GON4L: variants seen among roughly 807,000 people sequenced by gnomAD.
GON4L encodes the protein gon-4 like.
A neutral mutation model predicts 211.8 loss-of-function variants in GON4L; 87 were observed. The ratio of observed to expected loss-of-function variants is 0.41; its 90% CI spans 0.35 to 0.49. The LOEUF is 0.49. Ranked by LOEUF, GON4L falls within the 20% of genes least tolerant of loss-of-function variation. The probability of loss-of-function intolerance (pLI) is 0.15; values close to 1 mark genes in which losing one functional copy is unlikely to be tolerated. For missense variants in GON4L, 2,155 were observed against 2,659.5 expected, an observed-to-expected ratio of 0.81 and a Z score of 4.17; for synonymous variants, 875 against 962.6, an observed-to-expected ratio of 0.91 and a Z score of 1.68.
intron 19 of GON4L, 93 bp from the exon 20 acceptor site, chr1:155,767,634 A>C (rs1662665405): frequency 1.4e-6 from 2 of 1,443,216 alleles, no homozygotes; most frequent in South Asian, 1.2e-5. Context: ...GATCAAGAGA[A>C]ACACACACAC....
chr1:155,770,817 T>C (rs747026467), intron 19 of GON4L, among the ~76,000 whole-genome samples: 2 of 152,196 alleles, frequency 1.3e-5, no homozygotes, highest in Admixed American at 1.3e-4. Flanking sequence ...TGAGCCAAGA[T>C]TGCGCCACTC....
intron 6 of GON4L, among the ~76,000 whole-genome samples, chr1:155,819,158 CCGGG>C (rs1448544371): frequency 7.6e-6 from 1 of 132,292 alleles, no homozygotes; most frequent in East Asian, 4.1e-4. Flanking sequence ...AAAAAATTAG[CCGGG>C]CATGGTGGCA....
rs1662403870 is a variant in GON4L at position 155,765,869 on chromosome 1, A to C, written c.3604T>G (p.Ser1202Ala). 1.8e-5 allele frequency: 29 copies of C among 1,614,204 alleles called. No homozygotes were observed. The highest frequency in any genetic ancestry group is 2.4e-5 in the Non-Finnish European group (28 of 1,180,034). The change falls in exon 21 of 32, where the codon TCT (serine) becomes GCT (alanine). Residue 1202 changes from serine to alanine, a missense_variant. By Grantham distance (99) the Ser-to-Ala change is moderately conservative. Transcript: ENST00000368331. Reference protein sequence around the residue: ...CPLNQSLVASSVSPLIVSGNS... With the variant: ...CPLNQSLVASAVSPLIVSGNS... ...CCAGAAACAATTAAGGGTGAGACAG[A>C]GGAGGCCACAAGGGACTGGTTCAAT...
At chr1:155,833,402 C>A (rs1669975526) in intron 2 of GON4L, among the ~76,000 whole-genome samples, 1 of 152,008 alleles carries the variant, frequency 6.6e-6, no homozygotes, top group Admixed American at 6.6e-5. Flanking sequence ...GTGATCCCAG[C>A]ATTTTGGGAG....
chr1:155,775,029 T>C lies in GON4L; in HGVS notation c.2323A>G (p.Ser775Gly). Residue 775 changes from serine to glycine, a missense_variant, in exon 17 of 32, where the codon AGC becomes GGC. Around this residue, in one of 6 missense-constraint regions of GON4L, gnomAD observed 551 missense variants for 854.0 expected, o/e 0.65. Coordinates refer to ENST00000368331, the MANE Select transcript of GON4L (RefSeq NM_001282860.2). Reference sequence around the variant, plus strand: ...GTCTTCTTGACAGTTTTATGAGGGCTGCAGTCAATGCTGACATGTGTGCTG... The same window carrying C: ...GTCTTCTTGACAGTTTTATGAGGGCCGCAGTCAATGCTGACATGTGTGCTG... Reference protein sequence around the residue: ...DFSTHVSIDCSPHKTVKKTAN... With the variant: ...DFSTHVSIDCGPHKTVKKTAN... 6.2e-7 allele frequency: 1 copy of C among 1,613,046 alleles called. No individual in the cohort carries two copies. The highest frequency in any genetic ancestry group is 1.1e-5 in the South Asian group (1 of 91,048).
At chr1:155,843,600 G>A (rs1386120392) in intron 2 of GON4L, among the ~76,000 whole-genome samples, 1 of 152,038 alleles carries the variant, frequency 6.6e-6, no homozygotes, top group Non-Finnish European at 1.5e-5. Context: ...AATTCCCCAC[G>A]ATGCTCTGAC....
intron 11 of GON4L, among the ~76,000 whole-genome samples, chr1:155,796,474 C>T (rs914063387): frequency 6.6e-6 from 1 of 152,002 alleles, no homozygotes; most frequent in African/African-American, 2.4e-5. Flanking sequence ...GACAAGGTTT[C>T]ACCATGTTGG....
At chr1:155,794,852 G>A (rs935231395) in intron 12 of GON4L, among the ~76,000 whole-genome samples, 198 bp downstream of exon 12, 1 of 152,170 alleles carries the variant, frequency 6.6e-6, no homozygotes, top group African/African-American at 2.4e-5. Context: ...ATACACGACT[G>A]TGGGATATAC....
rs111851717 is a variant in GON4L at position 155,856,403 on chromosome 1, CT to C, written c.-27+743del. ...GCCACCACCCTCAACGACTTTTTTT[CT>C]TTTTTTTTTTTTGTAGAGACGGGGT... On this transcript the variant is annotated intron_variant, in intron 1 of 31. Transcript: ENST00000368331. Among the ~76,000 whole-genome samples the C allele has an allele frequency of 5.4e-3, 777 of 143,150 alleles. 5 individuals carry two copies. Among genetic ancestry groups the C allele is most frequent in the African/African-American group, 0.014 (554 of 39,334 alleles). The allele number at this position is 143,150 out of a possible 152,430, so 93.9% of individuals were successfully genotyped here. A position where few individuals can be genotyped will look rare whatever the true frequency, so the allele number is the denominator to read the frequency against.
At chr1:155,808,719 T>C (rs1667400084) in intron 10 of GON4L, among the ~76,000 whole-genome samples, 1 of 151,932 alleles carries the variant, frequency 6.6e-6, no homozygotes, top group Admixed American at 6.6e-5. Flanking sequence ...CTCGATCTCC[T>C]AGGCTCAGCC....
At chr1:155,782,462 T>C (rs897634253) in intron 14 of GON4L, among the ~76,000 whole-genome samples, 1 of 152,172 alleles carries the variant, frequency 6.6e-6, no homozygotes, top group African/African-American at 2.4e-5. Context: ...AGCAATATGT[T>C]ATACCGTATA....
At chr1:155,745,842 C>A (rs1342481386), downstream of GON4L, 1 of 707,098 alleles carries the variant, frequency 1.4e-6, no homozygotes, top group Non-Finnish European at 2.4e-6. Context: ...GCGGGCGGGG[C>A]CCGGGAGGTG....
At chr1:155,775,875 C>T (rs1407176038) in intron 16 of GON4L, among the ~76,000 whole-genome samples, 2 of 152,190 alleles carry the variant, frequency 1.3e-5, no homozygotes, top group African/African-American at 4.8e-5. Flanking sequence ...ACCCTCACCT[C>T]CTAGGCTCAA....
At chr1:155,767,353 A>G in intron 20 of GON4L, 72 bp downstream of exon 20, 1 of 1,613,930 alleles carries the variant, frequency 6.2e-7, no homozygotes, top group Non-Finnish European at 8.5e-7. Flanking sequence ...ACGATTAAGG[A>G]AGCCCTTGAT....
chr1:155,781,303 C>T (rs181626632), intron 14 of GON4L, among the ~76,000 whole-genome samples: 12 of 151,658 alleles, frequency 7.9e-5, no homozygotes, highest in African/African-American at 2.2e-4. Context: ...CCAACACGTC[C>T]GACTAATTTT....
Position 155,853,809 on chromosome 1 carries a change from G to GA in GON4L, c.-26-4dup, listed in dbSNP as rs1672029092. The stretch of plus-strand genomic sequence containing the variant: ...AAAAGTCCCACTTTTGTTCCATTCT[G>GA]AAAGAATAAAAAGTTCTTACTGCCT... On this transcript the variant is annotated splice_region_variant and splice_polypyrimidine_tract_variant and intron_variant, in intron 1 of 31. Coordinates refer to ENST00000368331, the MANE Select transcript of GON4L (RefSeq NM_001282860.2). 1 of 1,598,690 alleles carries GA rather than the reference G, an allele frequency of 6.3e-7. No homozygotes were observed. The highest frequency in any genetic ancestry group is 1.7e-4 in the Middle Eastern group (1 of 6,040).
chr1:155,769,660 T>C (rs778928755), intron 19 of GON4L, among the ~76,000 whole-genome samples: 1 of 152,080 alleles, frequency 6.6e-6, no homozygotes, highest in Non-Finnish European at 1.5e-5. Flanking sequence ...AAAAATGCGA[T>C]TATTTACTCC....
At chr1:155,762,604 T>C (rs1037457228) in intron 22 of GON4L, among the ~76,000 whole-genome samples, 3 of 152,222 alleles carry the variant, frequency 2.0e-5, no homozygotes, top group African/African-American at 2.4e-5. Flanking sequence ...CTACTTCATA[T>C]TGAGAAAGGA....
At chr1:155,818,019 A>G (rs190030560) in intron 6 of GON4L, among the ~76,000 whole-genome samples, 26 of 152,030 alleles carry the variant, frequency 1.7e-4, no homozygotes, top group Admixed American at 1.7e-3. Context: ...GGATGGCCCA[A>G]CTTCTCCACA....
Sources: allele counts gnomAD v4.1 joint callset (sites outside exome capture counted in the v4.1 genomes callset), GRCh38; gene constraint gnomAD v4.1.1; regional missense constraint gnomAD v4.1.1; transcripts MANE v1.5; gene names NCBI Gene and HGNC (gene_info 2026-07-23, HGNC 2026-07-21).